ATAD3A: variants seen among roughly 807,000 people sequenced by gnomAD.
The protein encoded by ATAD3A is ATPase family AAA domain-containing protein 3A.
In ATAD3A, 46 loss-of-function variants were observed where a neutral mutation model predicts 73.8. The ratio of observed to expected loss-of-function variants is 0.62; its 90% CI spans 0.49 to 0.80. The LOEUF (loss-of-function observed/expected upper bound fraction) is 0.80. Among genes scored for constraint, ATAD3A ranks in the 30% least tolerant of loss-of-function variants. The pLI is 0.00. For synonymous variants in ATAD3A, 319 were observed against 350.0 expected (o/e 0.91, Z 0.99); for missense variants, 705 against 838.0 (o/e 0.84, Z 1.96).
chr1:1,519,054 A>T, intron 5 of ATAD3A, 64 bp downstream of exon 5: 4 of 1,612,424 alleles, frequency 2.5e-6, no homozygotes, highest in Non-Finnish European at 3.4e-6. Context: ...CCCGGCGTGC[A>T]CTCTGAGCCT....
In ATAD3A at chr1:1,523,889, C is replaced by T. The variant is rs143463496; in HGVS notation, c.1014C>T (p.Thr338=). The T allele has an allele frequency of 1.1e-3, 1,792 of 1,614,004 alleles. 9 individuals carry two copies. The highest frequency in any genetic ancestry group is 3.5e-3 in the South Asian group (315 of 91,084). The change falls in exon 10 of 16, where the codon ACC becomes ACT. Residue 338 remains threonine (T), a synonymous_variant. Transcript: ENST00000378756. This position sits in a 1 kb window ranked among gnomAD's most constrained non-coding sequence, Gnocchi z 5.1. ...VRDIAIATRN[T]KKNRSLYRNI... is the part of the protein sequence containing the mutation. ...ACATCGCCATAGCAACAAGGAACACCAAGAAGAACCGCAGCCTGTACAGGA... is the reference window on the plus strand; with the variant it reads ...ACATCGCCATAGCAACAAGGAACACTAAGAAGAACCGCAGCCTGTACAGGA...
At position 1,522,770 on chromosome 1, in the gene ATAD3A, T is replaced by C. The variant is rs1135025; in HGVS notation, c.777T>C (p.Val259=). The change falls in exon 8 of 16, where the codon GTT becomes GTC. Residue 259 remains valine, a synonymous_variant. Transcript: ENST00000378756. ...ATVAGLTLLA[V]GVYSAKNATL... ...TGGCTGGGCTGACGCTGCTGGCTGT[T>C]GGGGTCTACTCAGCCAAGAATGCCA... 0.01 allele frequency: 16,666 copies of C among 1,606,428 alleles called. 257 individuals are homozygous for C. Among genetic ancestry groups the C allele is most frequent in the Admixed American group, 0.05 (2,991 of 59,750 alleles).
At chr1:1,512,720 A>C (rs143610735) in intron 1 of ATAD3A, 18 of 1,213,310 alleles carry the variant, frequency 1.5e-5, no homozygotes, top group Non-Finnish European at 1.8e-5. Flanking sequence ...GGTGGCGCTC[A>C]TAGGTTACAG....
At chr1:1,514,090 C>T (rs530914136) in intron 1 of ATAD3A, among the ~76,000 whole-genome samples, 1 of 152,264 alleles carries the variant, frequency 6.6e-6, no homozygotes, top group Admixed American at 6.5e-5. Flanking sequence ...CTGGGACGCA[C>T]GTCCCTGGCA....
rs549436645 is a variant in ATAD3A at position 1,523,341 on chromosome 1, C to T, written c.907-170C>T. On this transcript the variant is annotated intron_variant, in intron 8 of 15. Coordinates refer to ENST00000378756, the MANE Select transcript of ATAD3A (RefSeq NM_001170535.3). This position sits in a 1 kb window ranked among gnomAD's most constrained non-coding sequence, Gnocchi z 5.1. Reference sequence around the variant, plus strand: ...AACCGGAAAATGCCCCTAATCCCAGCAATAGCCGCCTGGTCTCCGGGCGGG... The same window carrying T: ...AACCGGAAAATGCCCCTAATCCCAGTAATAGCCGCCTGGTCTCCGGGCGGG... Among the ~76,000 whole-genome samples, 3 of 152,322 alleles carry T rather than the reference C, an allele frequency of 2.0e-5. No homozygotes were observed. Among genetic ancestry groups the T allele is most frequent in the South Asian group, 2.1e-4 (1 of 4,832 alleles).
chr1:1,524,855 C>T (rs1034477592), intron 11 of ATAD3A, among the ~76,000 whole-genome samples: 1 of 151,232 alleles, frequency 6.6e-6, no homozygotes, highest in African/African-American at 2.4e-5. Context: ...GTGGCCTCGG[C>T]TGTCCTCGTT....
Position 1,523,833 on chromosome 1 carries a change from C to G in ATAD3A, c.964-6C>G, listed in dbSNP as rs754629802. On this transcript the variant is annotated splice_region_variant and splice_polypyrimidine_tract_variant and intron_variant, in intron 9 of 15. Transcript: ENST00000378756. The surrounding 1 kb of genome is among the most constrained non-coding windows in gnomAD (Gnocchi z 5.1). ...GTCTCCTCCAAACCCCCGTCTTCCC[C>G]GGCAGCCCAGCCTGGAAGCACGGGT... 8.1e-5 allele frequency: 131 copies of G among 1,613,788 alleles called. No homozygotes were observed. The highest frequency in any genetic ancestry group is 1.1e-4 in the Non-Finnish European group (127 of 1,180,016).
In ATAD3A at chr1:1,523,536, C is replaced by A; in HGVS notation, c.932C>A (p.Pro311His). The change falls in exon 9 of 16, where the codon CCC becomes CAC. Residue 311 changes from proline to histidine, a missense_variant. Physicochemically the swap from Pro to His is moderately conservative, Grantham distance 77 (BLOSUM62 -2). Coordinates refer to ENST00000378756, the MANE Select transcript of ATAD3A (RefSeq NM_001170535.3). The surrounding 1 kb of genome is among the most constrained non-coding windows in gnomAD (Gnocchi z 5.1). ...GTCAGCCGGCGGCTCCTCAGTCGACCCCAGGACGCGCTGGAGGGTGTTGTG... is the reference window on the plus strand; with the variant it reads ...GTCAGCCGGCGGCTCCTCAGTCGACACCAGGACGCGCTGGAGGGTGTTGTG... The part of the protein sequence containing the change: ...IQVSRRLLSR[P>H]QDALEGVVLS... 1 of 1,612,926 alleles carries A rather than the reference C, an allele frequency of 6.2e-7. No individual in the cohort carries two copies. The highest frequency in any genetic ancestry group is 2.2e-5 in the East Asian group (1 of 44,862).
intron 13 of ATAD3A, chr1:1,527,258 T>C (rs940680749): frequency 2.3e-5 from 30 of 1,281,864 alleles, no homozygotes; most frequent in Admixed American, 4.8e-5. Flanking sequence ...TGCCGGTGGA[T>C]GCTCCCTGGA....
chr1:1,533,619 TC>T (rs1286577093), intron 15 of ATAD3A, among the ~76,000 whole-genome samples: 1 of 152,084 alleles, frequency 6.6e-6, no homozygotes, highest in Non-Finnish European at 1.5e-5. Flanking sequence ...GGTCTGCAGT[TC>T]CCACCTGCCT....
chr1:1,512,173 C>T lies in ATAD3A; in HGVS notation c.-96C>T. Reference sequence around the variant, plus strand: ...TGTGGCGCCTGCGCAGTGGCGGTGACCACCGGCTCGCGGCGCGTGGAGGCT... The same window carrying T: ...TGTGGCGCCTGCGCAGTGGCGGTGATCACCGGCTCGCGGCGCGTGGAGGCT... On this transcript the variant is annotated 5_prime_UTR_variant, in exon 1 of 16. Coordinates refer to ENST00000378756, the MANE Select transcript of ATAD3A (RefSeq NM_001170535.3). 1 of 1,212,884 alleles carries T rather than the reference C, an allele frequency of 8.2e-7. No homozygotes were observed. The allele number at this position is 1,212,884 out of a possible 1,614,324, so 75.1% of individuals were successfully genotyped here.
chr1:1,519,956 G>A (rs536151729), intron 5 of ATAD3A, among the ~76,000 whole-genome samples, 185 bp from the exon 6 acceptor site: 105 of 152,324 alleles, frequency 6.9e-4, no homozygotes, highest in African/African-American at 2.4e-3. Context: ...GGGCCTGTCC[G>A]TGGCCTTAGC....
chr1:1,513,917 C>A lies in ATAD3A; in HGVS notation c.205+1444C>A, dbSNP rs573774801. ...TGTCCCTTGAGGCTATAGCCCCATG[C>A]CGCCTGGTTCCCAGAGTGCCCTGAC... On this transcript the variant is annotated intron_variant, in intron 1 of 15. Transcript: ENST00000378756. Among the ~76,000 whole-genome samples, 279 of 152,172 alleles carry A rather than the reference C, an allele frequency of 1.8e-3. 2 individuals are homozygous for A. Among genetic ancestry groups the A allele is most frequent in the African/African-American group, 6.5e-3 (270 of 41,452 alleles).
chr1:1,523,866 A>T lies in ATAD3A; in HGVS notation c.991A>T (p.Ile331Phe), dbSNP rs766271260. The change falls in exon 10 of 16, where the codon ATC becomes TTC. Residue 331 changes from isoleucine (I) to phenylalanine (F), a missense_variant. Physicochemically the swap from Ile to Phe is conservative, Grantham distance 21. Around this residue, in one of 5 missense-constraint regions of ATAD3A, gnomAD observed 315 missense variants for 334.1 expected, o/e 0.94. Transcript: ENST00000378756. The surrounding 1 kb of genome is among the most constrained non-coding windows in gnomAD (Gnocchi z 5.1). ...SPSLEARVRD[I>F]AIATRNTKKN... Reference sequence around the variant, plus strand: ...CAGCCTGGAAGCACGGGTGCGCGACATCGCCATAGCAACAAGGAACACCAA... The same window carrying T: ...CAGCCTGGAAGCACGGGTGCGCGACTTCGCCATAGCAACAAGGAACACCAA... The T allele has an allele frequency of 6.2e-7, 1 of 1,614,026 alleles. No individual in the cohort carries two copies. Among genetic ancestry groups the T allele is most frequent in the South Asian group, 1.1e-5 (1 of 91,088 alleles).
chr1:1,521,276 G>A (rs1263825614), intron 7 of ATAD3A, among the ~76,000 whole-genome samples: 5 of 119,780 alleles, frequency 4.2e-5, no homozygotes, highest in Non-Finnish European at 7.9e-5. Flanking sequence ...TCCAGCCTGG[G>A]CCACATAGTG....
intron 15 of ATAD3A, among the ~76,000 whole-genome samples, chr1:1,530,390 T>C (rs905061955): frequency 7.9e-5 from 12 of 152,166 alleles, no homozygotes; most frequent in South Asian, 2.1e-4. Context: ...AAAAATTAGC[T>C]GGACCTGGTG....
intron 2 of ATAD3A, chr1:1,516,992 G>A (rs1290856810): frequency 2.1e-5 from 27 of 1,262,082 alleles, no homozygotes; most frequent in Non-Finnish European, 2.5e-5. Context: ...GATTATAAGC[G>A]AGAGCCGTCG....
rs778588101 is a variant in ATAD3A, at chr1:1,526,537, G to A, written c.1337+6G>A. 1.9e-6 allele frequency: 3 copies of A among 1,612,286 alleles called. No individual in the cohort carries two copies. The highest frequency in any genetic ancestry group is 2.5e-6 in the Non-Finnish European group (3 of 1,179,684). ...ACGGGCCAGCACAGCAACAAGTGAG[G>A]GAGCCCCTCGGGTCCTGGGCCCCCG... On this transcript the variant is annotated splice_donor_region_variant and intron_variant, in intron 13 of 15. Coordinates refer to ENST00000378756, the MANE Select transcript of ATAD3A (RefSeq NM_001170535.3).
intron 4 of ATAD3A, among the ~76,000 whole-genome samples, chr1:1,518,410 C>G (rs1475582617): frequency 6.8e-6 from 1 of 148,042 alleles, no homozygotes; most frequent in African/African-American, 2.5e-5. Context: ...CATGCCCCCC[C>G]ATAGACGGAC....
Sources: gnomAD v4.1 joint callset for allele counts (sites outside exome capture counted in the v4.1 genomes callset) on GRCh38, gnomAD v4.1.1 for gene constraint, gnomAD v4.1.1 regional missense constraint, Gnocchi (gnomAD v3.1) non-coding constraint, MANE v1.5 for transcripts, NCBI Gene and HGNC (gene_info 2026-07-23, HGNC 2026-07-21) for gene names.